CRY1: variants seen among roughly 807,000 people sequenced by gnomAD.
The protein encoded by CRY1 is cryptochrome-1.
Under a neutral mutation model 76.0 loss-of-function variants are expected in CRY1, and 45 were observed. The ratio of observed to expected loss-of-function variants is 0.59; its 90% confidence interval spans 0.47 to 0.76. The LOEUF (loss-of-function observed/expected upper bound fraction) is 0.76. CRY1 is among the 30% of genes least tolerant of loss of function. The pLI is 0.00. For missense variants in CRY1, 587 were observed against 716.4 expected, an observed-to-expected ratio of 0.82 and a Z score of 2.06; for synonymous variants, 248 against 244.0, an observed-to-expected ratio of 1.02 and a Z score of -0.15.
chr12:107,003,504 T>G (rs1952335332), intron 3 of CRY1, among the ~76,000 whole-genome samples: 1 of 152,210 alleles, frequency 6.6e-6, no homozygotes, highest in African/African-American at 2.4e-5. Context: ...TAGTGTATTT[T>G]TCATTATACA....
intron 2 of CRY1, among the ~76,000 whole-genome samples, chr12:107,011,670 G>A (rs185107586): frequency 6.6e-6 from 1 of 152,302 alleles, no homozygotes; most frequent in Admixed American, 6.5e-5. Flanking sequence ...AAGGAAAGTT[G>A]GAAGCTAGCA....
intron 1 of CRY1, among the ~76,000 whole-genome samples, chr12:107,026,778 T>C (rs936006660): frequency 6.6e-6 from 1 of 151,546 alleles, no homozygotes; most frequent in Non-Finnish European, 1.5e-5. Context: ...TGTTTTTTTT[T>C]TTTTTTTTTT....
intron 1 of CRY1, among the ~76,000 whole-genome samples, chr12:107,056,357 C>T (rs1203320707): frequency 1.3e-5 from 2 of 152,170 alleles, no homozygotes; most frequent in African/African-American, 4.8e-5. Flanking sequence ...CTGGCCAGCC[C>T]TTAGGTGGAT....
chr12:107,059,946 T>G (rs1481218950), intron 1 of CRY1, among the ~76,000 whole-genome samples: 1 of 152,328 alleles, frequency 6.6e-6, no homozygotes, highest in African/African-American at 2.4e-5. Flanking sequence ...TTTTAATAAA[T>G]ATGTGTGATA....
intron 1 of CRY1, among the ~76,000 whole-genome samples, chr12:107,048,058 T>C (rs767219888): frequency 6.6e-6 from 1 of 150,382 alleles, no homozygotes; most frequent in Non-Finnish European, 1.5e-5. Flanking sequence ...AGCAATTATA[T>C]TATTTTTTGA....
intron 1 of CRY1, among the ~76,000 whole-genome samples, chr12:107,074,808 A>G (rs1210095953): frequency 6.6e-6 from 1 of 152,210 alleles, no homozygotes; most frequent in Non-Finnish European, 1.5e-5. Flanking sequence ...TGAGTTCAGG[A>G]GTTCAAGAAA....
intron 1 of CRY1, among the ~76,000 whole-genome samples, chr12:107,085,836 G>A (rs2136902655): frequency 6.6e-6 from 1 of 151,594 alleles, no homozygotes; most frequent in African/African-American, 2.4e-5. Context: ...TAAAAAAAAA[G>A]CAAAAACTAA....
At chr12:107,008,908 C>G (rs1054461838) in intron 2 of CRY1, among the ~76,000 whole-genome samples, 3 of 152,166 alleles carry the variant, frequency 2.0e-5, no homozygotes, top group African/African-American at 7.2e-5. Flanking sequence ...CTTTGCTCCT[C>G]CATCTTCCAC....
At chr12:107,074,699 G>A (rs1953229051) in intron 1 of CRY1, among the ~76,000 whole-genome samples, 1 of 152,118 alleles carries the variant, frequency 6.6e-6, no homozygotes, top group South Asian at 2.1e-4. Context: ...AGGGACCTTG[G>A]CAATTATGTA....
intron 7 of CRY1, 72 bp from the exon 8 acceptor site, chr12:106,998,138 T>C: frequency 1.3e-6 from 2 of 1,550,366 alleles, no homozygotes; most frequent in Non-Finnish European, 1.8e-6. Flanking sequence ...AAGGTCACAG[T>C]AGAGCCAAAG....
chr12:107,089,825 T>C (rs1168517738), intron 1 of CRY1, among the ~76,000 whole-genome samples: 3 of 152,164 alleles, frequency 2.0e-5, no homozygotes, highest in Non-Finnish European at 4.4e-5. Flanking sequence ...TGTTTAAATA[T>C]AAAATTATTG....
chr12:107,061,376 CTT>C (rs879367958), intron 1 of CRY1, among the ~76,000 whole-genome samples: 11 of 141,628 alleles, frequency 7.8e-5, no homozygotes, highest in Admixed American at 1.4e-4. Context: ...CTAATACAGT[CTT>C]TTTTTTTTTT....
chr12:107,030,107 G>A (rs747937835), intron 1 of CRY1, among the ~76,000 whole-genome samples: 12 of 152,130 alleles, frequency 7.9e-5, no homozygotes, highest in Middle Eastern at 3.2e-3. Context: ...ACATATAGCA[G>A]GAGTTCAATA....
At chr12:107,066,234 A>AT (rs1337639683) in intron 1 of CRY1, among the ~76,000 whole-genome samples, 1 of 152,184 alleles carries the variant, frequency 6.6e-6, no homozygotes, top group Non-Finnish European at 1.5e-5. Flanking sequence ...TTCTAAAATA[A>AT]TTTTTAAAAG....
intron 1 of CRY1, among the ~76,000 whole-genome samples, chr12:107,028,296 G>C (rs1373096648): frequency 6.6e-6 from 1 of 151,838 alleles, no homozygotes; most frequent in African/African-American, 2.4e-5. Context: ...TTTCTGGTTT[G>C]TTACAAATTT....
At position 106,999,850 on chromosome 12, in the gene CRY1, T is replaced by C; in HGVS notation, c.838A>G (p.Ser280Gly). 1 of 1,609,976 alleles carries C rather than the reference T, an allele frequency of 6.2e-7. No homozygotes were observed. Among genetic ancestry groups the C allele is most frequent in the Middle Eastern group, 1.7e-4 (1 of 6,040 alleles). The part of the protein sequence containing the change: ...TDLYKKVKKN[S>G]SPPLSLYGQL... ...CCATAAAGGGAAAGGGGAGGGGAAC[T>C]GTTCTTCTTTACCTATGGTTAAAAA... Residue 280 changes from serine (S) to glycine (G), a missense_variant, in exon 7 of 13, where the codon AGT becomes GGT. By Grantham distance (56) the Ser-to-Gly change is moderately conservative. Coordinates refer to ENST00000008527, the MANE Select transcript of CRY1 (RefSeq NM_004075.5).
chr12:107,093,376 A>C lies in CRY1; in HGVS notation c.-415T>G. The C allele has an allele frequency of 6.0e-6, 1 of 165,416 alleles. No individual in the cohort carries two copies. Among genetic ancestry groups the C allele is most frequent in the Non-Finnish European group, 1.3e-5 (1 of 76,786 alleles). 10.2% of individuals were successfully genotyped at this position (165,416 alleles called of 1,614,324 possible). ...CCCACCAAGGCGGCCCCTAAAGACA[A>C]AACGGCCCGCCCGAGGTGAGTCACC... is the stretch of plus-strand genomic sequence containing the variant. On this transcript the variant is annotated 5_prime_UTR_variant, in exon 1 of 13. Coordinates refer to ENST00000008527, the MANE Select transcript of CRY1 (RefSeq NM_004075.5).
intron 2 of CRY1, among the ~76,000 whole-genome samples, chr12:107,008,646 T>C (rs1168365749): frequency 6.6e-6 from 1 of 152,228 alleles, no homozygotes; most frequent in African/African-American, 2.4e-5. Flanking sequence ...TTTTGTAGAC[T>C]TCCTTTATCA....
intron 2 of CRY1, among the ~76,000 whole-genome samples, chr12:107,012,888 T>TA (rs1159746914): frequency 6.6e-6 from 1 of 152,182 alleles, no homozygotes; most frequent in East Asian, 1.9e-4. Context: ...GCAATAGAAT[T>TA]AAAACTAGAA....
Sources: allele counts gnomAD v4.1 joint callset (sites outside exome capture counted in the v4.1 genomes callset), GRCh38; gene constraint gnomAD v4.1.1; transcripts MANE v1.5; gene names NCBI Gene and HGNC (gene_info 2026-07-23, HGNC 2026-07-21).